The following FHIT variants were observed in gnomAD, a reference collection of about 807,000 sequenced individuals.
FHIT encodes fragile histidine triad diadenosine triphosphatase.
A neutral mutation model predicts 17.9 loss-of-function variants in FHIT; 19 were observed. The observed-to-expected ratio is 1.06, with a 90% CI of 0.74 to 1.56. The LOEUF (loss-of-function observed/expected upper bound fraction) is 1.56. FHIT is among the 40% of genes most tolerant of loss of function. The probability of loss-of-function intolerance (pLI) is 0.00; values close to 1 mark genes in which losing one functional copy is unlikely to be tolerated. For synonymous variants in FHIT, 81 were observed against 69.7 expected (o/e 1.16, Z -0.81); for missense variants, 248 against 189.2 (o/e 1.31, Z -1.82).
intron 5 of FHIT, among the ~76,000 whole-genome samples, chr3:60,483,707 C>T (rs1030326834): frequency 5.3e-5 from 8 of 152,036 alleles, no homozygotes; most frequent in South Asian, 2.1e-4. Flanking sequence ...TTATGAAAAA[C>T]CCATAGCTAA....
chr3:61,017,364 T>G (rs1186166816), intron 3 of FHIT, among the ~76,000 whole-genome samples: 2 of 152,250 alleles, frequency 1.3e-5, no homozygotes, highest in East Asian at 3.8e-4. Flanking sequence ...TGAATGTTAG[T>G]GCTCAAAGGA....
intron 3 of FHIT, among the ~76,000 whole-genome samples, chr3:60,919,367 A>C (rs1176496856): frequency 2.6e-5 from 4 of 151,868 alleles, no homozygotes; most frequent in African/African-American, 9.7e-5. Context: ...TTTATACTAT[A>C]TGTGAATTAC....
chr3:59,756,582 A>C (rs1245700295), intron 8 of FHIT, among the ~76,000 whole-genome samples: 1 of 152,160 alleles, frequency 6.6e-6, no homozygotes, highest in African/African-American at 2.4e-5. Context: ...TTTGTTGTTT[A>C]CCTGAAATAC....
chr3:59,810,772 A>T (rs1487599235), intron 8 of FHIT, among the ~76,000 whole-genome samples: 1 of 152,188 alleles, frequency 6.6e-6, no homozygotes, highest in Non-Finnish European at 1.5e-5. Flanking sequence ...GCACACTTCA[A>T]CTTCCTTCCA....
chr3:60,468,289 C>T (rs563198512), intron 5 of FHIT, among the ~76,000 whole-genome samples: 79 of 152,222 alleles, frequency 5.2e-4, no homozygotes, highest in African/African-American at 1.7e-3. Context: ...AGTCCATTTA[C>T]ATTCAATGTT....
intron 1 of FHIT, among the ~76,000 whole-genome samples, chr3:61,207,367 T>C (rs2039279423): frequency 6.6e-6 from 1 of 152,230 alleles, no homozygotes. Context: ...TCTTTTTCTA[T>C]TGACTGGAAT....
Position 61,069,132 on chromosome 3 carries a change from C to T in FHIT, c.-163-27033G>A, listed in dbSNP as rs572828165. On this transcript the variant is annotated intron_variant, in intron 2 of 9. Transcript: ENST00000492590. ...AAGATCCCTGAAGGCCTTTAAAATACGAATGTCTGCTTTAAATCTCCAAGA... is the reference window on the plus strand; with the variant it reads ...AAGATCCCTGAAGGCCTTTAAAATATGAATGTCTGCTTTAAATCTCCAAGA... Among the ~76,000 whole-genome samples, 6 of 152,158 alleles carry T rather than the reference C, an allele frequency of 3.9e-5. No homozygotes were observed. In the South Asian group the frequency reaches 8.3e-4, roughly 21 times the overall value.
intron 5 of FHIT, among the ~76,000 whole-genome samples, chr3:60,136,589 G>A (rs534351262): frequency 1.3e-5 from 2 of 152,208 alleles, no homozygotes; most frequent in East Asian, 3.9e-4. Flanking sequence ...ATAGGGGTTC[G>A]GTTTTAGACT....
intron 5 of FHIT, among the ~76,000 whole-genome samples, chr3:60,392,271 A>C (rs1192915056): frequency 1.3e-5 from 2 of 152,178 alleles, no homozygotes; most frequent in African/African-American, 4.8e-5. Flanking sequence ...ACATGCATCA[A>C]ATTTATGGCG....
chr3:60,185,679 T>C (rs923356013), intron 5 of FHIT, among the ~76,000 whole-genome samples: 5 of 152,216 alleles, frequency 3.3e-5, no homozygotes, highest in Non-Finnish European at 7.3e-5. Context: ...ATGTTTAACT[T>C]TGTAGGAAAC....
chr3:61,153,142 C>CAAAAAAA (rs372065718), intron 2 of FHIT, among the ~76,000 whole-genome samples: 3 of 78,404 alleles, frequency 3.8e-5, no homozygotes, highest in Non-Finnish European at 8.4e-5. Context: ...GACTCCATCT[C>CAAAAAAA]AAAAAAAAAA....
At chr3:60,469,416 T>A (rs917419011) in intron 5 of FHIT, among the ~76,000 whole-genome samples, 2 of 152,210 alleles carry the variant, frequency 1.3e-5, no homozygotes, top group Non-Finnish European at 2.9e-5. Flanking sequence ...ATTCTTTGTT[T>A]TGCTTATTTC....
intron 3 of FHIT, among the ~76,000 whole-genome samples, chr3:60,842,645 A>ATATT (rs1396703397): frequency 2.1e-5 from 2 of 94,600 alleles, no homozygotes; most frequent in African/African-American, 8.3e-5. Context: ...ATATATATAT[A>ATATT]TTTTTTTTTT....
chr3:60,219,652 T>C (rs913235893), intron 5 of FHIT, among the ~76,000 whole-genome samples: 2 of 152,164 alleles, frequency 1.3e-5, no homozygotes, highest in Non-Finnish European at 2.9e-5. Context: ...ATGATGTCAG[T>C]GATACTTCCC....
chr3:60,306,351 ATTTG>A (rs1391450201), intron 5 of FHIT, among the ~76,000 whole-genome samples: 1 of 152,158 alleles, frequency 6.6e-6, no homozygotes, highest in African/African-American at 2.4e-5. Flanking sequence ...TTTAGTCCCA[ATTTG>A]TTTGAGGAAA....
intron 8 of FHIT, among the ~76,000 whole-genome samples, chr3:59,821,681 G>A (rs900921910): frequency 4.0e-5 from 6 of 151,892 alleles, no homozygotes; most frequent in African/African-American, 1.5e-4. Flanking sequence ...GCCCCACCAT[G>A]TGCCAGCCAC....
At chr3:60,942,275 A>C (rs1708446112) in intron 3 of FHIT, among the ~76,000 whole-genome samples, 1 of 152,226 alleles carries the variant, frequency 6.6e-6, no homozygotes, top group African/African-American at 2.4e-5. Context: ...CATAATTAAA[A>C]GTATACAGTA....
chr3:60,769,123 A>G (rs1315006361), intron 4 of FHIT, among the ~76,000 whole-genome samples: 1 of 152,042 alleles, frequency 6.6e-6, no homozygotes, highest in Non-Finnish European at 1.5e-5. Context: ...AAAGTAAAGC[A>G]ATTTAGTTGG....
chr3:60,324,330 A>C (rs574175112), intron 5 of FHIT, among the ~76,000 whole-genome samples: 2 of 6,434 alleles, frequency 3.1e-4, no homozygotes, highest in East Asian at 8.6e-3. Context: ...TCACGCCTGT[A>C]ATCCCAGAAC....
Sources: gnomAD v4.1 joint callset for allele counts (sites outside exome capture counted in the v4.1 genomes callset) on GRCh38, gnomAD v4.1.1 for gene constraint, MANE v1.5 for transcripts, NCBI Gene and HGNC (gene_info 2026-07-23, HGNC 2026-07-21) for gene names.